Variants in ADAMTSL4 observed in about 807,000 individuals in gnomAD.
ADAMTSL4 encodes the protein ADAMTS-like protein 4.
Under a neutral mutation model 122.8 loss-of-function variants are expected in ADAMTSL4, and 97 were observed. The observed-to-expected ratio is 0.79, with a 90% CI of 0.67 to 0.93. The LOEUF (loss-of-function observed/expected upper bound fraction) is 0.93, where lower values mean the gene tolerates loss of function less well. ADAMTSL4 is among the 40% of genes least tolerant of loss of function. ADAMTSL4 has a pLI of 0.00. For synonymous variants in ADAMTSL4, 592 were observed against 568.0 expected, an observed-to-expected ratio of 1.04 and a Z score of -0.60; for missense variants, 1,408 against 1,453.5, an observed-to-expected ratio of 0.97 and a Z score of 0.51.
In ADAMTSL4 at chr1:150,556,910, A is replaced by G. The variant is rs1266994939; in HGVS notation, c.1750-29A>G. 1.2e-6 allele frequency: 2 copies of G among 1,610,746 alleles called. No homozygotes were observed. The highest frequency in any genetic ancestry group is 1.3e-5 in the African/African-American group (1 of 74,778). On this transcript the variant is annotated intron_variant, in intron 10 of 18. Coordinates refer to ENST00000271643, the MANE Select transcript of ADAMTSL4 (RefSeq NM_019032.6). This position sits in a 1 kb window ranked among gnomAD's most constrained non-coding sequence, Gnocchi z 4.1. ...GTGGCATCCTCTTCTGGCCACCCCC[A>G]CATATTCATTATCTTCTCTTCTCCC... is the stretch of plus-strand genomic sequence containing the variant.
chr1:150,560,149 C>A lies in ADAMTSL4; in HGVS notation c.3178C>A (p.Arg1060Ser). Reference sequence around the variant, plus strand: ...CCCCTACTACACAGCCACCTGTTGCCGCTCTTGCGCACATGTCCTGGAGCG... The same window carrying A: ...CCCCTACTACACAGCCACCTGTTGCAGCTCTTGCGCACATGTCCTGGAGCG... ...VYPYYTATCC[R>S]SCAHVLERSP... Residue 1060 changes from arginine to serine, a missense_variant, in exon 19 of 19, where the codon CGC (arginine) becomes AGC (serine). Coordinates refer to ENST00000271643, the MANE Select transcript of ADAMTSL4 (RefSeq NM_019032.6). 1 of 1,614,080 alleles carries A rather than the reference C, an allele frequency of 6.2e-7. No individual in the cohort carries two copies. The highest frequency in any genetic ancestry group is 1.1e-5 in the South Asian group (1 of 91,088).
chr1:150,555,424 C>T lies in ADAMTSL4; in HGVS notation c.1235-5C>T, dbSNP rs375860019. 8.1e-6 allele frequency: 13 copies of T among 1,613,948 alleles called. No homozygotes were observed. The highest frequency in any genetic ancestry group is 1.7e-5 in the Admixed American group (1 of 60,004). On this transcript the variant is annotated splice_region_variant and splice_polypyrimidine_tract_variant and intron_variant, in intron 7 of 18. Coordinates refer to ENST00000271643, the MANE Select transcript of ADAMTSL4 (RefSeq NM_019032.6). ...CACTAACCACCCTTCTACCCTGTCC[C>T]TTAGTCCAGGGCTCCCAGCGCTGTG...
In ADAMTSL4 at chr1:150,552,656, C is replaced by G. The variant is rs1166300948; in HGVS notation, c.78+56C>G. The G allele has an allele frequency of 1.9e-6, 3 of 1,568,670 alleles. No homozygotes were observed. The highest frequency in any genetic ancestry group is 2.6e-6 in the Non-Finnish European group (3 of 1,155,624). The stretch of plus-strand genomic sequence containing the variant: ...CTGCCTGCCACCCTTTCATCTCCCC[C>G]TAGGCTCCCACCCCATCTCTCCAGG... On this transcript the variant is annotated intron_variant, in intron 4 of 18. Coordinates refer to ENST00000271643, the MANE Select transcript of ADAMTSL4 (RefSeq NM_019032.6). This position sits in a 1 kb window ranked among gnomAD's most constrained non-coding sequence, Gnocchi z 4.0.
At position 150,556,719 on chromosome 1, in the gene ADAMTSL4, C is replaced by T. The variant is rs771843143; in HGVS notation, c.1675C>T (p.Arg559Cys). ...CGGCGGGACCGTCTTTCGATATAAC[C>T]GTCCTCCCAGGGAGGAGGGCAAAGG... ...RAGGTVFRYN[R>C]PPREEGKGES... is the part of the protein sequence containing the mutation. The change falls in exon 10 of 19, where the codon CGT (arginine) becomes TGT (cysteine). Residue 559 changes from arginine to cysteine, a missense_variant. Arg to Cys is a radical substitution (Grantham distance 180). Coordinates refer to ENST00000271643, the MANE Select transcript of ADAMTSL4 (RefSeq NM_019032.6). The surrounding 1 kb of genome is among the most constrained non-coding windows in gnomAD (Gnocchi z 4.1). 16 of 1,613,896 alleles carry T rather than the reference C, an allele frequency of 9.9e-6. No individual in the cohort carries two copies. The highest frequency in any genetic ancestry group is 5.5e-5 in the South Asian group (5 of 91,076).
In ADAMTSL4 at chr1:150,559,509, C is replaced by T. The variant is rs761900262; in HGVS notation, c.2943+43C>T. 1 of 1,609,974 alleles carries T rather than the reference C, an allele frequency of 6.2e-7. No homozygotes were observed. The highest frequency in any genetic ancestry group is 1.1e-5 in the South Asian group (1 of 91,004). ...CTGTCCTGCCCTGCTCAGCCTGGGC[C>T]CCTAGGGGAGGGGAGCTCCTCTCGC... On this transcript the variant is annotated intron_variant, in intron 17 of 18. Transcript: ENST00000271643. The surrounding 1 kb of genome is among the most constrained non-coding windows in gnomAD (Gnocchi z 4.1).
At position 150,558,958 on chromosome 1, in the gene ADAMTSL4, G is replaced by A. The variant is rs374389962; in HGVS notation, c.2560-4G>A. ...CTCACACAGGCCGCTCTCCTCCTCC[G>A]CAGTGCTCAGCCGAGTGTGGGACGG... is the stretch of plus-strand genomic sequence containing the variant. On this transcript the variant is annotated splice_region_variant and splice_polypyrimidine_tract_variant and intron_variant, in intron 15 of 18. Coordinates refer to ENST00000271643, the MANE Select transcript of ADAMTSL4 (RefSeq NM_019032.6). 899 of 1,603,586 alleles carry A rather than the reference G, an allele frequency of 5.6e-4. 4 individuals carry two copies. The highest frequency in any genetic ancestry group is 1.7e-3 in the South Asian group (153 of 89,526).
chr1:150,551,171 G>C (rs1671370329), intron 2 of ADAMTSL4: 2 of 363,988 alleles, frequency 5.5e-6, no homozygotes, highest in South Asian at 4.0e-5. Flanking sequence ...TTCAGAATGA[G>C]AGGCCTGTGG....
chr1:150,555,746 T>C (rs993536653), intron 8 of ADAMTSL4, among the ~76,000 whole-genome samples, 181 bp downstream of exon 8: 10 of 151,008 alleles, frequency 6.6e-5, no homozygotes, highest in Admixed American at 5.3e-4. Context: ...CACACACGCA[T>C]ATGCACACAC....
Position 150,554,146 on chromosome 1 carries a change from C to G in ADAMTSL4, c.1131+24C>G, listed in dbSNP as rs74346873. 89 of 1,597,422 alleles carry G rather than the reference C, an allele frequency of 5.6e-5. No homozygotes were observed. In the African/African-American group the frequency reaches 1.0e-3, roughly 18 times the overall value. ...CGGTGAGTCTCCTCGGGCCTCCCCT[C>G]CCAACCCCGACCTCCAGTGTGGCTT... On this transcript the variant is annotated intron_variant, in intron 6 of 18. Coordinates refer to ENST00000271643, the MANE Select transcript of ADAMTSL4 (RefSeq NM_019032.6). This position sits in a 1 kb window ranked among gnomAD's most constrained non-coding sequence, Gnocchi z 4.0.
intron 15 of ADAMTSL4, 119 bp from the exon 16 acceptor site, chr1:150,558,843 C>A: frequency 1.3e-6 from 2 of 1,538,010 alleles, no homozygotes; most frequent in South Asian, 1.2e-5. Flanking sequence ...GCCTGGTACC[C>A]GGGGACATTC....
rs754125407 is a variant in ADAMTSL4, at chr1:150,556,756, C to T, written c.1712C>T (p.Ser571Leu). The T allele has an allele frequency of 4.6e-5, 75 of 1,613,320 alleles. No individual in the cohort carries two copies. Among genetic ancestry groups the T allele is most frequent in the Non-Finnish European group, 5.8e-5 (69 of 1,179,578 alleles). The stretch of plus-strand genomic sequence containing the variant: ...GAGGAGGGCAAAGGGGAGAGTCTGT[C>T]GGCTGAAGGCCCCACCACCCAGCCT... ...PREEGKGESL[S>L]AEGPTTQPVD... The change falls in exon 10 of 19, where the codon TCG becomes TTG. Residue 571 changes from serine to leucine, a missense_variant. Coordinates refer to ENST00000271643, the MANE Select transcript of ADAMTSL4 (RefSeq NM_019032.6). This position sits in a 1 kb window ranked among gnomAD's most constrained non-coding sequence, Gnocchi z 4.1.
At position 150,554,319 on chromosome 1, in the gene ADAMTSL4, C is replaced by G. The variant is rs1671773458; in HGVS notation, c.1132-46C>G. ...CCCCAGGTTCAGCCCTGCCCCTACC[C>G]TCATTTTGCTCCCCAGCTCTGACTC... On this transcript the variant is annotated intron_variant, in intron 6 of 18. Coordinates refer to ENST00000271643, the MANE Select transcript of ADAMTSL4 (RefSeq NM_019032.6). The surrounding 1 kb of genome is among the most constrained non-coding windows in gnomAD (Gnocchi z 4.0). The G allele has an allele frequency of 6.3e-7, 1 of 1,585,746 alleles. No individual in the cohort carries two copies. Among genetic ancestry groups the G allele is most frequent in the African/African-American group, 1.3e-5 (1 of 74,248 alleles).
chr1:150,554,698 C>A lies in ADAMTSL4; in HGVS notation c.1234+231C>A. 2 of 1,519,302 alleles carry A rather than the reference C, an allele frequency of 1.3e-6. No individual in the cohort carries two copies. Among genetic ancestry groups the A allele is most frequent in the Non-Finnish European group, 1.8e-6 (2 of 1,134,346 alleles). 94.1% of individuals were successfully genotyped at this position (1,519,302 alleles called of 1,614,324 possible). A position where few individuals can be genotyped will look rare whatever the true frequency, so the allele number is the denominator to read the frequency against. On this transcript the variant is annotated intron_variant, in intron 7 of 18. Transcript: ENST00000271643. This position sits in a 1 kb window ranked among gnomAD's most constrained non-coding sequence, Gnocchi z 4.0. ...GTGTGGGAGACACGCTTTGTCCGGA[C>A]TCCCCTGGGAAGGCCATCACTGGGG... is the stretch of plus-strand genomic sequence containing the variant.
At position 150,559,863 on chromosome 1, in the gene ADAMTSL4, A is replaced by G; in HGVS notation, c.3046A>G (p.Arg1016Gly). Residue 1016 changes from arginine to glycine, a missense_variant, in exon 18 of 19, where the codon AGG becomes GGG. Coordinates refer to ENST00000271643, the MANE Select transcript of ADAMTSL4 (RefSeq NM_019032.6). The surrounding 1 kb of genome is among the most constrained non-coding windows in gnomAD (Gnocchi z 4.1). ...ATGCCCTCCTCAACTGCGGCCCTCCAGGAAGCGCCCCTGTAACAGCCAACC... is the reference window on the plus strand; with the variant it reads ...ATGCCCTCCTCAACTGCGGCCCTCCGGGAAGCGCCCCTGTAACAGCCAACC... The part of the protein sequence containing the change: ...TRCPPQLRPS[R>G]KRPCNSQPCS... 1 of 1,614,028 alleles carries G rather than the reference A, an allele frequency of 6.2e-7. No individual in the cohort carries two copies. Among genetic ancestry groups the G allele is most frequent in the Non-Finnish European group, 8.5e-7 (1 of 1,180,002 alleles).
rs774222532 is a variant in ADAMTSL4 at position 150,555,497 on chromosome 1, G to A, written c.1303G>A (p.Glu435Lys). ...RGFRFYVRHT[E>K]KVQDGTLCQP... ...CTTCCGCTTCTATGTCCGTCACACT[G>A]AAAAGGTCCAGGATGGGACCCTGTG... Residue 435 changes from glutamate (E) to lysine (K), a missense_variant, in exon 8 of 19, where the codon GAA becomes AAA. By Grantham distance (56) the Glu-to-Lys change is moderately conservative (BLOSUM62 1). Transcript: ENST00000271643. The A allele has an allele frequency of 2.5e-6, 4 of 1,614,178 alleles. No homozygotes were observed. In the East Asian group the frequency reaches 8.9e-5, roughly 36 times the overall value.
chr1:150,553,061 G>C lies in ADAMTSL4; in HGVS notation c.242G>C (p.Ser81Thr), dbSNP rs760671345. ...CTCCCTACAGTGCAGCTCCACCCGA[G>C]TCTGCCCCTCCCTCCCCGGCCCCCA... Reference protein sequence around the residue: ...CQLPTVQLHPSLPLPPRPPRH... With the variant: ...CQLPTVQLHPTLPLPPRPPRH... The change falls in exon 5 of 19, where the codon AGT becomes ACT. Residue 81 changes from serine to threonine, a missense_variant. Ser to Thr is a moderately conservative substitution (Grantham distance 58). Coordinates refer to ENST00000271643, the MANE Select transcript of ADAMTSL4 (RefSeq NM_019032.6). 1 of 1,613,342 alleles carries C rather than the reference G, an allele frequency of 6.2e-7. No individual in the cohort carries two copies. The highest frequency in any genetic ancestry group is 1.7e-5 in the Admixed American group (1 of 60,000).
In ADAMTSL4 at chr1:150,559,088, C is replaced by T. The variant is rs145517687; in HGVS notation, c.2686C>T (p.Arg896Trp). Residue 896 changes from arginine (R) to tryptophan (W), a missense_variant, in exon 16 of 19, where the codon CGG becomes TGG. Arg to Trp is a moderately radical substitution (Grantham distance 101). Coordinates refer to ENST00000271643, the MANE Select transcript of ADAMTSL4 (RefSeq NM_019032.6). The surrounding 1 kb of genome is among the most constrained non-coding windows in gnomAD (Gnocchi z 4.1). The stretch of plus-strand genomic sequence containing the variant: ...TGGGCAGAGCTGTCCAACAGGAAGC[C>T]GGCCCCCTGACATGCGCGCCTGCAG... Reference protein sequence around the residue: ...GTGQSCPTGSRPPDMRACSLG... With the variant: ...GTGQSCPTGSWPPDMRACSLG... The T allele has an allele frequency of 8.7e-6, 14 of 1,612,724 alleles. No individual in the cohort carries two copies. The highest frequency in any genetic ancestry group is 2.2e-5 in the South Asian group (2 of 91,062).
At chr1:150,550,877 A>G (rs1172779792) in intron 2 of ADAMTSL4, 2 of 456,482 alleles carry the variant, frequency 4.4e-6, no homozygotes, top group Non-Finnish European at 8.8e-6. Flanking sequence ...GTCTGCCCCC[A>G]GGCACATTCC....
At position 150,554,462 on chromosome 1, in the gene ADAMTSL4, C is replaced by G. The variant is rs1350201956; in HGVS notation, c.1229C>G (p.Thr410Ser). The change falls in exon 7 of 19, where the codon ACT becomes AGT. Residue 410 changes from threonine to serine, a missense_variant. Coordinates refer to ENST00000271643, the MANE Select transcript of ADAMTSL4 (RefSeq NM_019032.6). The surrounding 1 kb of genome is among the most constrained non-coding windows in gnomAD (Gnocchi z 4.0). Reference protein sequence around the residue: ...MGQLYQWEPFTEVQGSQRCEL... With the variant: ...MGQLYQWEPFSEVQGSQRCEL... Reference sequence around the variant, plus strand: ...CAGCTGTATCAGTGGGAGCCCTTCACTGAAGGTGAGGTTTCTTGCTCACCC... The same window carrying G: ...CAGCTGTATCAGTGGGAGCCCTTCAGTGAAGGTGAGGTTTCTTGCTCACCC... The G allele has an allele frequency of 3.3e-5, 53 of 1,614,178 alleles. No individual in the cohort carries two copies. Among genetic ancestry groups the G allele is most frequent in the Non-Finnish European group, 4.4e-5 (52 of 1,180,022 alleles).
Sources: allele counts gnomAD v4.1 joint callset (sites outside exome capture counted in the v4.1 genomes callset), GRCh38; gene constraint gnomAD v4.1.1; non-coding constraint Gnocchi (gnomAD v3.1); transcripts MANE v1.5; gene names NCBI Gene and HGNC (gene_info 2026-07-23, HGNC 2026-07-21).